Variants in THSD7B observed in about 807,000 individuals in gnomAD.
THSD7B encodes thrombospondin type-1 domain-containing protein 7B.
In THSD7B, 138 loss-of-function variants were observed where a neutral mutation model predicts 213.6. That is an observed-to-expected ratio of 0.65 (90% CI 0.56 to 0.74). The LOEUF (loss-of-function observed/expected upper bound fraction) is 0.74. Ranked by LOEUF, THSD7B falls within the 30% of genes least tolerant of loss-of-function variation. The probability of loss-of-function intolerance (pLI) is 0.00; values close to 1 mark genes in which losing one functional copy is unlikely to be tolerated. For synonymous variants in THSD7B, 742 were observed against 687.0 expected, an observed-to-expected ratio of 1.08 and a Z score of -1.25; for missense variants, 1,931 against 1,991.5, an observed-to-expected ratio of 0.97 and a Z score of 0.58.
chr2:137,400,788 G>A (rs557945343), intron 12 of THSD7B, among the ~76,000 whole-genome samples: 10 of 152,270 alleles, frequency 6.6e-5, no homozygotes, highest in South Asian at 2.1e-4. Context: ...AGAAGTGCTC[G>A]GATGTCTCAC....
At chr2:137,098,996 T>C (rs1573821891) in intron 4 of THSD7B, among the ~76,000 whole-genome samples, 1 of 152,330 alleles carries the variant, frequency 6.6e-6, no homozygotes, top group Admixed American at 6.5e-5. Flanking sequence ...TTCGAAGTTG[T>C]AGTTTTTGAT....
chr2:136,897,732 T>A (rs978470015), intron 2 of THSD7B, among the ~76,000 whole-genome samples: 1 of 152,188 alleles, frequency 6.6e-6, no homozygotes, highest in Non-Finnish European at 1.5e-5. Context: ...TACAGAGTGC[T>A]GATTGGTGCA....
intron 12 of THSD7B, among the ~76,000 whole-genome samples, chr2:137,360,851 G>A (rs1685239909): frequency 6.6e-6 from 1 of 152,316 alleles, no homozygotes. Context: ...TCTGAAGAGA[G>A]CAGTGGGTCT....
chr2:137,608,681 A>G (rs1440850420), intron 17 of THSD7B, among the ~76,000 whole-genome samples: 1 of 152,198 alleles, frequency 6.6e-6, no homozygotes, highest in Non-Finnish European at 1.5e-5. Flanking sequence ...ATAGCATAGC[A>G]CCCAGAATAT....
chr2:137,588,820 T>C (rs944950671), intron 17 of THSD7B, among the ~76,000 whole-genome samples: 1 of 152,004 alleles, frequency 6.6e-6, no homozygotes, highest in African/African-American at 2.4e-5. Flanking sequence ...AGTTTTGCTC[T>C]TGTTGCTCAG....
At chr2:137,253,981 G>T (rs1682247494) in intron 10 of THSD7B, among the ~76,000 whole-genome samples, 1 of 152,110 alleles carries the variant, frequency 6.6e-6, no homozygotes, top group Non-Finnish European at 1.5e-5. Context: ...ATATCAATTT[G>T]AAACTTCAGG....
At chr2:137,310,664 C>G (rs1057393078) in intron 12 of THSD7B, among the ~76,000 whole-genome samples, 3 of 152,132 alleles carry the variant, frequency 2.0e-5, no homozygotes, top group Non-Finnish European at 4.4e-5. Flanking sequence ...TTTAATCCAT[C>G]TTGAATTGAT....
At chr2:137,083,237 CAAA>C (rs1411423091) in intron 3 of THSD7B, among the ~76,000 whole-genome samples, 1 of 152,066 alleles carries the variant, frequency 6.6e-6, no homozygotes, top group Non-Finnish European at 1.5e-5. Context: ...TCATTTTTAT[CAAA>C]TAACACCTAA....
intron 12 of THSD7B, among the ~76,000 whole-genome samples, chr2:137,369,167 A>ATTT (rs551901115): frequency 4.7e-5 from 7 of 149,840 alleles, no homozygotes; most frequent in African/African-American, 1.8e-4. Context: ...ATATATATAT[A>ATTT]TTTTTGACAA....
chr2:137,095,394 T>C (rs541691321), intron 4 of THSD7B, among the ~76,000 whole-genome samples: 2 of 152,340 alleles, frequency 1.3e-5, no homozygotes, highest in East Asian at 3.9e-4. Context: ...ACTTAATTCA[T>C]CCTGTGTTTG....
At chr2:137,313,465 G>T (rs1212448086) in intron 12 of THSD7B, among the ~76,000 whole-genome samples, 1 of 151,628 alleles carries the variant, frequency 6.6e-6, no homozygotes, top group Non-Finnish European at 1.5e-5. Context: ...TATCCAATTT[G>T]CCAGTCTGTG....
chr2:137,663,344 A>G lies in THSD7B; in HGVS notation c.4459-39A>G, dbSNP rs185310231. On this transcript the variant is annotated intron_variant, in intron 25 of 27. Transcript: ENST00000409968. The stretch of plus-strand genomic sequence containing the variant: ...ATATTTTTATTCATTCACCTGTTCA[A>G]CTCACTGTGTAACCATAAAAATATT... The G allele has an allele frequency of 8.0e-5, 116 of 1,454,748 alleles. 1 individual carries two copies. In the Admixed American group the frequency reaches 2.0e-3, roughly 25 times the overall value. The allele number at this position is 1,454,748 out of a possible 1,614,324, so 90.1% of individuals were successfully genotyped here. A position where few individuals can be genotyped will look rare whatever the true frequency, so the allele number is the denominator to read the frequency against.
intron 12 of THSD7B, among the ~76,000 whole-genome samples, chr2:137,361,697 T>C (rs1685264994): frequency 6.6e-6 from 1 of 151,948 alleles, no homozygotes; most frequent in Non-Finnish European, 1.5e-5. Context: ...ACAGTAAAAA[T>C]AAATGAACAA....
At chr2:136,783,752 C>G (rs1301057794) in intron 1 of THSD7B, among the ~76,000 whole-genome samples, 1 of 152,172 alleles carries the variant, frequency 6.6e-6, no homozygotes, top group Non-Finnish European at 1.5e-5. Context: ...AGCTCCCCTC[C>G]TCACAGAGGA....
chr2:137,604,008 G>A (rs1448053676), intron 17 of THSD7B, among the ~76,000 whole-genome samples: 1 of 152,058 alleles, frequency 6.6e-6, no homozygotes, highest in African/African-American at 2.4e-5. Context: ...CTACTTGGGA[G>A]GCTGGGGCAG....
rs766432045 is a variant in THSD7B at position 137,232,895 on chromosome 2, G to A, written c.1916-4G>A. On this transcript the variant is annotated splice_region_variant and splice_polypyrimidine_tract_variant and intron_variant, in intron 8 of 27. Transcript: ENST00000409968. ...GTATTACCTTTTGTTCTTATTTTTGGCAGGTGGAAAGCCATGTCCCCCTAG... is the reference window on the plus strand; with the variant it reads ...GTATTACCTTTTGTTCTTATTTTTGACAGGTGGAAAGCCATGTCCCCCTAG... The A allele has an allele frequency of 3.7e-6, 6 of 1,613,312 alleles. No individual in the cohort carries two copies. Among genetic ancestry groups the A allele is most frequent in the Non-Finnish European group, 5.1e-6 (6 of 1,179,498 alleles).
chr2:137,552,566 T>TAA (rs1384452837), intron 15 of THSD7B, among the ~76,000 whole-genome samples: 1 of 152,126 alleles, frequency 6.6e-6, no homozygotes, highest in Admixed American at 6.6e-5. Flanking sequence ...ACATAAGCTA[T>TAA]AAAGTTCTAC....
chr2:137,538,092 A>C (rs1046822116), intron 15 of THSD7B, among the ~76,000 whole-genome samples: 12 of 151,608 alleles, frequency 7.9e-5, no homozygotes, highest in African/African-American at 2.9e-4. Context: ...AGCAATTCTC[A>C]TGTCTTTTCC....
At chr2:136,804,353 A>T (rs1573645755) in intron 1 of THSD7B, among the ~76,000 whole-genome samples, 1 of 151,976 alleles carries the variant, frequency 6.6e-6, no homozygotes, top group East Asian at 1.9e-4. Context: ...TTCATTCTTT[A>T]GCACCAATGC....
Sources: gnomAD v4.1 joint callset for allele counts (sites outside exome capture counted in the v4.1 genomes callset) on GRCh38, gnomAD v4.1.1 for gene constraint, MANE v1.5 for transcripts, NCBI Gene and HGNC (gene_info 2026-07-23, HGNC 2026-07-21) for gene names.